Variants in DNAH11 observed in about 807,000 individuals in gnomAD.
The protein encoded by DNAH11 is axonemal beta dynein heavy chain 11.
DNAH11 carries 442 observed loss-of-function variants against 526.0 expected under a neutral mutation model. That is an observed-to-expected ratio of 0.84 (90% CI 0.78 to 0.91). The LOEUF is 0.91. DNAH11 is among the 40% of genes least tolerant of loss of function. DNAH11 has a pLI of 0.00. For missense variants in DNAH11, 6,989 were observed against 5,448.7 expected, an observed-to-expected ratio of 1.28 and a Z score of -8.90; for synonymous variants, 2,461 against 1,935.9, an observed-to-expected ratio of 1.27 and a Z score of -7.12.
At chr7:21,879,378 A>G (rs1283453457) in intron 74 of DNAH11, among the ~76,000 whole-genome samples, 2 of 151,998 alleles carry the variant, frequency 1.3e-5, no homozygotes, top group African/African-American at 4.8e-5. Context: ...AATCGCCTGA[A>G]CCCTGGAGGC....
At chr7:21,760,595 G>A (rs543141268) in intron 54 of DNAH11, among the ~76,000 whole-genome samples, 137 of 152,316 alleles carry the variant, frequency 9.0e-4, no homozygotes, top group Non-Finnish European at 1.4e-3. Context: ...CGTTGGCAGA[G>A]CTATGCACAC....
chr7:21,657,272 G>A (rs1467917248), intron 29 of DNAH11, among the ~76,000 whole-genome samples: 2 of 152,188 alleles, frequency 1.3e-5, no homozygotes, highest in East Asian at 1.9e-4. Context: ...TGCATCAGAT[G>A]CTAGGTCAGG....
rs998492677 is a variant in DNAH11 at position 21,899,271 on chromosome 7, G to A, written c.13050-65G>A. Reference sequence around the variant, plus strand: ...CACCCTGCCCTAACCGCCCACAACAGAACATACTGGAAAATGGCTATTTTA... The same window carrying A: ...CACCCTGCCCTAACCGCCCACAACAAAACATACTGGAAAATGGCTATTTTA... On this transcript the variant is annotated intron_variant, in intron 79 of 81. Transcript: ENST00000409508. 5 of 1,327,342 alleles carry A rather than the reference G, an allele frequency of 3.8e-6. No individual in the cohort carries two copies. In the African/African-American group the frequency reaches 7.2e-5, roughly 19 times the overall value. The allele number at this position is 1,327,342 out of a possible 1,614,324, so 82.2% of individuals were successfully genotyped here. A position where few individuals can be genotyped will look rare whatever the true frequency, so the allele number is the denominator to read the frequency against.
chr7:21,691,918 C>T (rs545008889), intron 35 of DNAH11, among the ~76,000 whole-genome samples: 3 of 152,196 alleles, frequency 2.0e-5, no homozygotes, highest in Middle Eastern at 3.4e-3. Flanking sequence ...GAATAGATTT[C>T]TAAATGTAGA....
At chr7:21,655,074 C>A (rs1004024064) in intron 28 of DNAH11, among the ~76,000 whole-genome samples, 1 of 150,826 alleles carries the variant, frequency 6.6e-6, no homozygotes, top group African/African-American at 2.4e-5. Context: ...TTTTCCCCCC[C>A]CACCCCCAAA....
chr7:21,601,133 T>G lies in DNAH11; in HGVS notation c.3379T>G (p.Trp1127Gly). 1 of 1,607,954 alleles carries G rather than the reference T, an allele frequency of 6.2e-7. No individual in the cohort carries two copies. The highest frequency in any genetic ancestry group is 8.5e-7 in the Non-Finnish European group (1 of 1,178,790). ...KVSLLTIIKK[W>G]SWMFQEHLLR... The stretch of plus-strand genomic sequence containing the variant: ...GAGCTTGTTAACCATAATTAAGAAA[T>G]GGAGCTGGATGTTTCAGGAGCATCT... The change falls in exon 17 of 82, where the codon TGG becomes GGG. Residue 1127 changes from tryptophan to glycine, a missense_variant. Physicochemically the swap from Trp to Gly is radical, Grantham distance 184 (BLOSUM62 -2). Transcript: ENST00000409508.
At chr7:21,745,329 A>T (rs1786097545) in intron 51 of DNAH11, among the ~76,000 whole-genome samples, 1 of 152,246 alleles carries the variant, frequency 6.6e-6, no homozygotes, top group African/African-American at 2.4e-5. Context: ...TACTTGTTCA[A>T]AGTCACATAG....
intron 25 of DNAH11, among the ~76,000 whole-genome samples, chr7:21,624,241 C>T (rs993373886): frequency 1.3e-5 from 2 of 152,068 alleles, no homozygotes; most frequent in African/African-American, 4.8e-5. Flanking sequence ...TACATTTTTT[C>T]ATCAATGTTT....
In DNAH11 at chr7:21,899,456, C is replaced by T. The variant is rs369240485; in HGVS notation, c.13162+8C>T. 49 of 1,607,124 alleles carry T rather than the reference C, an allele frequency of 3.0e-5. 1 individual carries two copies. In the Admixed American group the frequency reaches 8.0e-4, roughly 26 times the overall value. ...CTCAGTCCTTCTTAACTGGTAAGGG[C>T]TGACGCAGTGCAGCCCCTGATGCAC... On this transcript the variant is annotated splice_region_variant and intron_variant, in intron 80 of 81. Transcript: ENST00000409508.
chr7:21,593,815 A>G (rs544753329), intron 14 of DNAH11, among the ~76,000 whole-genome samples: 82 of 152,148 alleles, frequency 5.4e-4, no homozygotes, highest in African/African-American at 1.9e-3. Flanking sequence ...AGTCTTCTCT[A>G]TAGACCAGCA....
chr7:21,578,473 C>T (rs891868197), intron 8 of DNAH11, among the ~76,000 whole-genome samples: 1 of 152,240 alleles, frequency 6.6e-6, no homozygotes, highest in Non-Finnish European at 1.5e-5. Context: ...ACAGCCCCCA[C>T]AACTGCTTTC....
chr7:21,628,136 T>G (rs1786435997), intron 25 of DNAH11, among the ~76,000 whole-genome samples: 1 of 152,192 alleles, frequency 6.6e-6, no homozygotes, highest in Admixed American at 6.5e-5. Flanking sequence ...TATGTCTACT[T>G]TGTATTCTGC....
chr7:21,771,824 C>T (rs1787447493), intron 55 of DNAH11, among the ~76,000 whole-genome samples: 1 of 151,014 alleles, frequency 6.6e-6, no homozygotes, highest in Non-Finnish European at 1.5e-5. Context: ...GCAGCAACTC[C>T]TCTCAATTCT....
rs572118148 is a variant in DNAH11, at chr7:21,735,649, G to A, written c.7450G>A (p.Val2484Ile). Residue 2484 changes from valine (V) to isoleucine (I), a missense_variant, in exon 46 of 82, where the codon GTT becomes ATT. Physicochemically the swap from Val to Ile is conservative, Grantham distance 29. Coordinates refer to ENST00000409508, the MANE Select transcript of DNAH11 (RefSeq NM_001277115.2). ...DPDVPLQTVL[V>I]HTTETARLRY... ...CTGTTTCTCCTCCCAGACAGTTCTC[G>A]TTCACACAACAGAGACAGCTCGTCT... 4.0e-5 allele frequency: 63 copies of A among 1,587,614 alleles called. No homozygotes were observed. Among genetic ancestry groups the A allele is most frequent in the Non-Finnish European group, 4.5e-5 (52 of 1,165,604 alleles).
intron 54 of DNAH11, among the ~76,000 whole-genome samples, chr7:21,760,710 G>T (rs1786861690): frequency 6.6e-6 from 1 of 152,152 alleles, no homozygotes; most frequent in Non-Finnish European, 1.5e-5. Context: ...AACCATTTAT[G>T]TTGATGAGAG....
intron 2 of DNAH11, among the ~76,000 whole-genome samples, chr7:21,555,460 C>G (rs1311422285): frequency 6.6e-6 from 1 of 152,238 alleles, no homozygotes; most frequent in African/African-American, 2.4e-5. Flanking sequence ...AAGCTTTTCC[C>G]TGTGTACTCA....
intron 25 of DNAH11, among the ~76,000 whole-genome samples, chr7:21,631,469 C>T (rs1215664245): frequency 6.6e-6 from 1 of 152,200 alleles, no homozygotes; most frequent in African/African-American, 2.4e-5. Context: ...ACATATGAGC[C>T]TGTAAAATCA....
At chr7:21,613,377 G>C (rs991274979) in intron 20 of DNAH11, among the ~76,000 whole-genome samples, 1 of 152,132 alleles carries the variant, frequency 6.6e-6, no homozygotes, top group South Asian at 2.1e-4. Context: ...TTAAGAAAAG[G>C]CATTAAAAAT....
chr7:21,774,141 G>C (rs1243923264), intron 56 of DNAH11, 142 bp downstream of exon 56: 2 of 785,616 alleles, frequency 2.5e-6, no homozygotes, highest in Non-Finnish European at 3.9e-6. Flanking sequence ...AGAATACACT[G>C]CTACTGCTTT....
Sources: gnomAD v4.1 joint callset for allele counts (sites outside exome capture counted in the v4.1 genomes callset) on GRCh38, gnomAD v4.1.1 for gene constraint, MANE v1.5 for transcripts, NCBI Gene and HGNC (gene_info 2026-07-23, HGNC 2026-07-21) for gene names.